Variants in LINGO2 observed in about 807,000 individuals in gnomAD.
The protein encoded by LINGO2 is leucine rich repeat and Ig domain containing 2.
LINGO2 carries 14 observed loss-of-function variants against 30.6 expected under a neutral mutation model. That is an observed-to-expected ratio of 0.46 (90% CI 0.30 to 0.72). LINGO2 has a LOEUF of 0.72. LINGO2 is among the 30% of genes least tolerant of loss of function. LINGO2 has a pLI of 0.07. For missense variants in LINGO2, 729 were observed against 751.7 expected (o/e 0.97, Z 0.35); for synonymous variants, 317 against 288.5 (o/e 1.10, Z -1.00).
At chr9:28,558,052 C>T (rs1159954923) in intron 1 of LINGO2, among the ~76,000 whole-genome samples, 5 of 148,876 alleles carry the variant, frequency 3.4e-5, no homozygotes, top group African/African-American at 7.4e-5. Flanking sequence ...TGCTAGATGA[C>T]GAGTTAGTGG....
chr9:27,985,564 T>TA (rs200642831), intron 5 of LINGO2, among the ~76,000 whole-genome samples: 9,342 of 151,684 alleles, frequency 0.062, 580 homozygotes, highest in African/African-American at 0.14. Context: ...TTTTGGGGGA[T>TA]TTTTTGACAT....
intron 4 of LINGO2, among the ~76,000 whole-genome samples, chr9:28,280,633 GA>G (rs1447410092): frequency 1.3e-5 from 2 of 152,084 alleles, no homozygotes; most frequent in African/African-American, 4.8e-5. Flanking sequence ...AAAACATCTG[GA>G]AGTTGTGTGG....
intron 4 of LINGO2, among the ~76,000 whole-genome samples, chr9:28,131,758 G>A (rs555329736): frequency 3.3e-5 from 5 of 152,098 alleles, no homozygotes; most frequent in Non-Finnish European, 7.4e-5. Context: ...TAGGGATTGA[G>A]TTCTTCAGCT....
chr9:28,034,340 C>T (rs1462934524), intron 4 of LINGO2, among the ~76,000 whole-genome samples: 1 of 152,172 alleles, frequency 6.6e-6, no homozygotes, highest in Non-Finnish European at 1.5e-5. Flanking sequence ...ATCTTGTTCC[C>T]TCTTAGAATG....
intron 5 of LINGO2, among the ~76,000 whole-genome samples, chr9:28,007,366 G>T (rs1355712212): frequency 6.6e-6 from 1 of 152,024 alleles, no homozygotes; most frequent in African/African-American, 2.4e-5. Flanking sequence ...GACAAAAAGC[G>T]CTACGCATGA....
chr9:29,158,677 C>T, the LINGO2 span, among the ~76,000 whole-genome samples: 2 of 152,250 alleles, frequency 1.3e-5, no homozygotes, highest in Admixed American at 1.3e-4. Flanking sequence ...TCAGCCATTA[C>T]CACATTTTTC....
chr9:28,632,876 A>ATTAAC (rs1827059063), intron 1 of LINGO2, among the ~76,000 whole-genome samples: 1 of 88,228 alleles, frequency 1.1e-5, no homozygotes, highest in African/African-American at 4.6e-5. Flanking sequence ...ATATATATAT[A>ATTAAC]TATGTAGAGA....
At chr9:28,429,799 C>G (rs1823573170) in intron 2 of LINGO2, among the ~76,000 whole-genome samples, 1 of 152,068 alleles carries the variant, frequency 6.6e-6, no homozygotes, top group South Asian at 2.1e-4. Context: ...GGTGTTCCAA[C>G]AGACTTTGAA....
At chr9:28,735,237 C>T in the LINGO2 span, among the ~76,000 whole-genome samples, 2 of 152,158 alleles carry the variant, frequency 1.3e-5, no homozygotes. Context: ...CTCTGCTCTG[C>T]ACACCTCATT....
intron 3 of LINGO2, among the ~76,000 whole-genome samples, chr9:28,357,550 G>C (rs1160652980): frequency 6.6e-6 from 1 of 151,976 alleles, no homozygotes; most frequent in African/African-American, 2.4e-5. Flanking sequence ...TCTTTGATTA[G>C]AAACAACTAT....
chr9:29,138,585 A>C, the LINGO2 span, among the ~76,000 whole-genome samples: 5 of 152,260 alleles, frequency 3.3e-5, no homozygotes, highest in East Asian at 9.7e-4. Context: ...TTAATCATGA[A>C]ACCCAGGTAA....
At chr9:28,500,399 T>C (rs906687393) in intron 1 of LINGO2, among the ~76,000 whole-genome samples, 3 of 152,162 alleles carry the variant, frequency 2.0e-5, no homozygotes, top group African/African-American at 7.2e-5. Flanking sequence ...ACAAACAGCA[T>C]TAATATTCAC....
At chr9:29,195,911 G>T in the LINGO2 span, among the ~76,000 whole-genome samples, 1 of 152,042 alleles carries the variant, frequency 6.6e-6, no homozygotes, top group Non-Finnish European at 1.5e-5. Flanking sequence ...TAAGACATCA[G>T]TGAATGTAAG....
chr9:29,200,360 G>C, the LINGO2 span, among the ~76,000 whole-genome samples: 1 of 152,030 alleles, frequency 6.6e-6, no homozygotes, highest in African/African-American at 2.4e-5. Context: ...ACTCCCAGAT[G>C]AAACTACCAT....
At chr9:29,002,397 C>A in the LINGO2 span, among the ~76,000 whole-genome samples, 6 of 152,162 alleles carry the variant, frequency 3.9e-5, no homozygotes, top group African/African-American at 1.4e-4. Context: ...ATACACAGAT[C>A]TGAGTAAATA....
At chr9:28,658,659 G>C (rs1377397115) in intron 1 of LINGO2, among the ~76,000 whole-genome samples, 1 of 151,914 alleles carries the variant, frequency 6.6e-6, no homozygotes, top group Non-Finnish European at 1.5e-5. Flanking sequence ...CATATAGTTG[G>C]ATTTTATTTT....
At chr9:28,708,523 G>A in the LINGO2 span, among the ~76,000 whole-genome samples, 1 of 152,050 alleles carries the variant, frequency 6.6e-6, no homozygotes, top group African/African-American at 2.4e-5. Flanking sequence ...ATAATAAAAT[G>A]CTTATCTTTG....
At chr9:28,956,989 C>G in the LINGO2 span, among the ~76,000 whole-genome samples, 1 of 151,834 alleles carries the variant, frequency 6.6e-6, no homozygotes, top group Non-Finnish European at 1.5e-5. Context: ...GCTAAAAACC[C>G]TTATGAATCC....
chr9:28,732,271 G>A, the LINGO2 span, among the ~76,000 whole-genome samples: 2 of 151,414 alleles, frequency 1.3e-5, no homozygotes, highest in Non-Finnish European at 2.9e-5. Context: ...AGCAAACCAA[G>A]CAAACTAAAA....
Sources: gnomAD v4.1 joint callset for allele counts (sites outside exome capture counted in the v4.1 genomes callset) on GRCh38, gnomAD v4.1.1 for gene constraint, MANE v1.5 for transcripts, NCBI Gene and HGNC (gene_info 2026-07-23, HGNC 2026-07-21) for gene names.